The following EYA1 variants were observed in gnomAD, a reference collection of about 807,000 sequenced individuals.
EYA1 encodes the protein EYA transcriptional coactivator and phosphatase 1, also known as protein phosphatase EYA1.
A neutral mutation model predicts 82.0 loss-of-function variants in EYA1; 16 were observed. That is an observed-to-expected ratio of 0.20 (90% CI 0.13 to 0.30). EYA1 has a LOEUF of 0.30. EYA1 is among the 10% of genes least tolerant of loss of function. The pLI, the probability that EYA1 is intolerant of heterozygous loss-of-function variation, is 1.00. For synonymous variants in EYA1, 261 were observed against 264.4 expected, an observed-to-expected ratio of 0.99 and a Z score of 0.12; for missense variants, 633 against 730.7, an observed-to-expected ratio of 0.87 and a Z score of 1.54.
Position 71,438,430 on chromosome 8 carries a change from A to T in EYA1, c.34-81919T>A, listed in dbSNP as rs565798055. On this transcript the variant is annotated intron_variant, in intron 2 of 18. Transcript: ENST00000643681. ...TAAATTCAAACACCTACTACCCTATACATAACATTGTGCTGGACACTGAAG... is the reference window on the plus strand; with the variant it reads ...TAAATTCAAACACCTACTACCCTATTCATAACATTGTGCTGGACACTGAAG... 4.6e-5 allele frequency among the ~76,000 whole-genome samples: 7 copies of T among 152,138 alleles called. No homozygotes were observed. The South Asian group carries it at 1.2e-3, about 27-fold the overall frequency.
intron 2 of EYA1, among the ~76,000 whole-genome samples, chr8:71,469,448 G>A (rs1809023508): frequency 6.6e-6 from 1 of 152,012 alleles, no homozygotes; most frequent in South Asian, 2.1e-4. Context: ...ATTGTTGTGA[G>A]GATCAAATGA....
At chr8:71,431,956 C>T (rs6995211) in intron 2 of EYA1, among the ~76,000 whole-genome samples, 110,119 of 152,052 alleles carry the variant, frequency 0.72, 41,143 homozygotes, top group African/African-American at 0.84. Flanking sequence ...GCATCCTAGG[C>T]TATCCCAGGG....
chr8:71,387,202 A>G (rs1406426896), intron 2 of EYA1, among the ~76,000 whole-genome samples: 2 of 151,982 alleles, frequency 1.3e-5, no homozygotes, highest in African/African-American at 4.8e-5. Context: ...TCAGTGATGA[A>G]TGACTACAGG....
At chr8:71,251,706 C>T (rs947046145) in intron 11 of EYA1, among the ~76,000 whole-genome samples, 1 of 152,106 alleles carries the variant, frequency 6.6e-6, no homozygotes, top group Non-Finnish European at 1.5e-5. Flanking sequence ...CTTTAATTAT[C>T]CCATTGCCTC....
Position 71,375,732 on chromosome 8 carries a change from G to T in EYA1, c.34-19221C>A, listed in dbSNP as rs185383907. On this transcript the variant is annotated intron_variant, in intron 2 of 18. Transcript: ENST00000643681. ...CAACTTCTGCCTCCTGGGTTCAAGC[G>T]ATTCTCCTGGCTCAGCCTCCCAAGT... 2.6e-3 allele frequency among the ~76,000 whole-genome samples: 400 copies of T among 152,118 alleles called. 3 individuals are homozygous for T. Among genetic ancestry groups the T allele is most frequent in the African/African-American group, 9.1e-3 (378 of 41,492 alleles).
intron 2 of EYA1, among the ~76,000 whole-genome samples, chr8:71,425,364 A>T (rs1805138645): frequency 6.6e-6 from 1 of 152,128 alleles, no homozygotes; most frequent in Non-Finnish European, 1.5e-5. Flanking sequence ...CAAATAGTAA[A>T]CTTTTGAACA....
chr8:71,271,907 T>C lies in EYA1; in HGVS notation c.827-10A>G, dbSNP rs1032709057. 6.2e-7 allele frequency: 1 copy of C among 1,614,180 alleles called. No homozygotes were observed. Among genetic ancestry groups the C allele is most frequent in the African/African-American group, 1.3e-5 (1 of 75,052 alleles). On this transcript the variant is annotated splice_polypyrimidine_tract_variant and intron_variant, in intron 9 of 17. Coordinates refer to ENST00000340726, the MANE Select transcript of EYA1 (RefSeq NM_000503.6). Reference sequence around the variant, plus strand: ...TGGATTGTGCTGTACTCTGCAGGAATATAGGAAGGACTTTCATCTTTTATT... The same window carrying C: ...TGGATTGTGCTGTACTCTGCAGGAACATAGGAAGGACTTTCATCTTTTATT...
chr8:71,535,475 G>A (rs1487170055), intron 2 of EYA1, among the ~76,000 whole-genome samples: 2 of 152,108 alleles, frequency 1.3e-5, no homozygotes, highest in African/African-American at 4.8e-5. Flanking sequence ...ATTATCTTAT[G>A]CATATTGGGA....
intron 11 of EYA1, among the ~76,000 whole-genome samples, chr8:71,264,492 T>C (rs1173390736): frequency 6.6e-6 from 1 of 152,128 alleles, no homozygotes; most frequent in Non-Finnish European, 1.5e-5. Flanking sequence ...ACAAGTTCAA[T>C]AGGTGACACA....
At position 71,245,383 on chromosome 8, in the gene EYA1, C is replaced by T. The variant is rs117324794; in HGVS notation, c.1051-691G>A. ...CTGGGACTACAGGCGCGCACCAACA[C>T]GACCAGCTAATTTTTTTTTGTATTT... is the stretch of plus-strand genomic sequence containing the variant. On this transcript the variant is annotated intron_variant, in intron 11 of 17. Transcript: ENST00000340726. Among the ~76,000 whole-genome samples the T allele has an allele frequency of 1.0e-3, 153 of 152,104 alleles. 1 individual carries two copies. In the East Asian group the frequency reaches 0.027, roughly 27 times the overall value.
chr8:71,438,431 C>T (rs1291261713), intron 2 of EYA1, among the ~76,000 whole-genome samples: 1 of 151,950 alleles, frequency 6.6e-6, no homozygotes, highest in East Asian at 1.9e-4. Context: ...CTACCCTATA[C>T]ATAACATTGT....
intron 7 of EYA1, among the ~76,000 whole-genome samples, chr8:71,303,315 T>TAC (rs58345968): frequency 0.27 from 34,953 of 131,874 alleles, 7,779 homozygotes; most frequent in Admixed American, 0.31. Flanking sequence ...ACATTTGATA[T>TAC]ACACACACAC....
intron 9 of EYA1, among the ~76,000 whole-genome samples, chr8:71,287,979 G>A (rs150096474): frequency 6.4e-4 from 97 of 152,218 alleles, no homozygotes; most frequent in African/African-American, 2.2e-3. Flanking sequence ...GAGCTAAGTG[G>A]CCTTCCCAAG....
chr8:71,280,137 C>T (rs761021647), intron 9 of EYA1, among the ~76,000 whole-genome samples: 46 of 152,320 alleles, frequency 3.0e-4, no homozygotes, highest in African/African-American at 9.1e-4. Flanking sequence ...GGTCCCTGGG[C>T]GTACTTGTTT....
chr8:71,500,357 G>C (rs1811724158), intron 2 of EYA1, among the ~76,000 whole-genome samples: 1 of 152,166 alleles, frequency 6.6e-6, no homozygotes, highest in South Asian at 2.1e-4. Flanking sequence ...GGTGTCCGAA[G>C]CTATTATTGC....
chr8:71,208,737 G>A lies in EYA1; in HGVS notation c.1698+2419C>T, dbSNP rs199632448. On this transcript the variant is annotated intron_variant, in intron 17 of 17. Transcript: ENST00000340726. The stretch of plus-strand genomic sequence containing the variant: ...AGAACTTAAAGTATAATAAAAAAAA[G>A]AAAAAAAAATCTTAACTGCTCTTCA... Among the ~76,000 whole-genome samples the A allele has an allele frequency of 9.9e-5, 15 of 151,350 alleles. No homozygotes were observed. The East Asian group carries it at 2.3e-3, about 24-fold the overall frequency.
chr8:71,437,139 T>G (rs1476608271), intron 2 of EYA1, among the ~76,000 whole-genome samples: 1 of 150,420 alleles, frequency 6.6e-6, no homozygotes, highest in Non-Finnish European at 1.5e-5. Context: ...CTACATATAA[T>G]TATCTGTATA....
chr8:71,228,794 G>C (rs1021880862), intron 12 of EYA1, among the ~76,000 whole-genome samples: 1 of 152,120 alleles, frequency 6.6e-6, no homozygotes, highest in African/African-American at 2.4e-5. Flanking sequence ...TTTAAACATG[G>C]GGACTGGCTA....
chr8:71,368,229 G>T (rs1421381265), intron 2 of EYA1, among the ~76,000 whole-genome samples: 1 of 123,062 alleles, frequency 8.1e-6, no homozygotes, highest in African/African-American at 3.1e-5. Flanking sequence ...GTTACAGGCT[G>T]GTGGCTTGTT....
Sources: allele counts gnomAD v4.1 joint callset (sites outside exome capture counted in the v4.1 genomes callset), GRCh38; gene constraint gnomAD v4.1.1; transcripts MANE v1.5; gene names NCBI Gene and HGNC (gene_info 2026-07-23, HGNC 2026-07-21).